Variants in MYO3B observed in about 807,000 individuals in gnomAD.
MYO3B encodes myosin-IIIb.
In MYO3B, 156 loss-of-function variants were observed where a neutral mutation model predicts 174.6. The observed-to-expected ratio is 0.89, with a 90% CI of 0.78 to 1.02. The LOEUF (loss-of-function observed/expected upper bound fraction) is 1.02. MYO3B is among the 50% of genes least tolerant of loss of function. The probability of loss-of-function intolerance (pLI) is 0.00; values close to 1 mark genes in which losing one functional copy is unlikely to be tolerated. For missense variants in MYO3B, 1,632 were observed against 1,639.4 expected, an observed-to-expected ratio of 1.00 and a Z score of 0.08; for synonymous variants, 563 against 569.1, an observed-to-expected ratio of 0.99 and a Z score of 0.15.
At chr2:170,390,806 T>A (rs1211381525) in intron 14 of MYO3B, among the ~76,000 whole-genome samples, 1 of 152,186 alleles carries the variant, frequency 6.6e-6, no homozygotes, top group African/African-American at 2.4e-5. Flanking sequence ...AATACCTTTG[T>A]AAAATGCAAT....
At chr2:170,557,394 C>T (rs1052013374) in intron 32 of MYO3B, among the ~76,000 whole-genome samples, 4 of 152,130 alleles carry the variant, frequency 2.6e-5, no homozygotes, top group African/African-American at 9.7e-5. Flanking sequence ...CCGCCTCTGC[C>T]TCCCAAAGTG....
chr2:170,400,785 G>C (rs2094470704), intron 17 of MYO3B, among the ~76,000 whole-genome samples: 1 of 151,686 alleles, frequency 6.6e-6, no homozygotes. Flanking sequence ...TAAGCTGCAA[G>C]TATTCTGCAG....
intron 28 of MYO3B, among the ~76,000 whole-genome samples, chr2:170,508,931 A>G (rs548651075): frequency 1.3e-5 from 2 of 152,356 alleles, no homozygotes; most frequent in South Asian, 4.1e-4. Context: ...AGCATCCTGC[A>G]CAGTACCTGG....
At chr2:170,496,470 G>A (rs1686858244) in intron 25 of MYO3B, among the ~76,000 whole-genome samples, 1 of 151,834 alleles carries the variant, frequency 6.6e-6, no homozygotes, top group Non-Finnish European at 1.5e-5. Flanking sequence ...TTATTTCAAA[G>A]TTTTCAAGGG....
intron 25 of MYO3B, among the ~76,000 whole-genome samples, chr2:170,494,623 G>A (rs1239890382): frequency 6.6e-6 from 1 of 151,200 alleles, no homozygotes; most frequent in Non-Finnish European, 1.5e-5. Context: ...AGCTACTCAG[G>A]AGGCTGAGGC....
At chr2:170,516,407 C>A (rs1287272061) in intron 29 of MYO3B, among the ~76,000 whole-genome samples, 1 of 151,856 alleles carries the variant, frequency 6.6e-6, no homozygotes, top group East Asian at 1.9e-4. Flanking sequence ...TTTGGGAGGC[C>A]GAGATGGGCA....
intron 28 of MYO3B, among the ~76,000 whole-genome samples, chr2:170,512,851 C>T (rs1001427399): frequency 6.6e-6 from 1 of 152,166 alleles, no homozygotes; most frequent in African/African-American, 2.4e-5. Context: ...CAAATCCTGG[C>T]TCTGCCAGTC....
chr2:170,405,643 G>T lies in MYO3B; in HGVS notation c.2520+10G>T, dbSNP rs1345986156. The T allele has an allele frequency of 1.2e-6, 2 of 1,613,650 alleles. No individual in the cohort carries two copies. The highest frequency in any genetic ancestry group is 2.7e-5 in the African/African-American group (2 of 75,036). On this transcript the variant is annotated intron_variant, in intron 21 of 34. Coordinates refer to ENST00000408978, the MANE Select transcript of MYO3B (RefSeq NM_138995.5). ...GCATTATGCTGGAAAGGTGAGGCCA[G>T]TGTGACAGTTATTAGACCTGAATTT...
chr2:170,269,281 T>A (rs563044109), intron 7 of MYO3B, among the ~76,000 whole-genome samples: 5 of 152,276 alleles, frequency 3.3e-5, no homozygotes, highest in African/African-American at 9.6e-5. Flanking sequence ...ATATTTGGAG[T>A]GAGTGTATTG....
chr2:170,564,968 T>A (rs1378001241), intron 32 of MYO3B, among the ~76,000 whole-genome samples: 1 of 152,148 alleles, frequency 6.6e-6, no homozygotes, highest in African/African-American at 2.4e-5. Flanking sequence ...AAAATTTATA[T>A]TCTCTATTCT....
At chr2:170,513,571 T>G (rs1412947853) in intron 28 of MYO3B, among the ~76,000 whole-genome samples, 2 of 152,256 alleles carry the variant, frequency 1.3e-5, no homozygotes, top group Non-Finnish European at 2.9e-5. Context: ...GCAAAAACCC[T>G]GTTTCCAACT....
chr2:170,631,388 TA>T (rs1321803829), intron 32 of MYO3B, among the ~76,000 whole-genome samples: 1 of 151,494 alleles, frequency 6.6e-6, no homozygotes, highest in Non-Finnish European at 1.5e-5. Context: ...CTCCAAGAAA[TA>T]GGGGACTATG....
chr2:170,615,012 T>G (rs908377066), intron 32 of MYO3B, among the ~76,000 whole-genome samples: 9 of 152,154 alleles, frequency 5.9e-5, no homozygotes, highest in African/African-American at 2.2e-4. Flanking sequence ...TACTTTCTGT[T>G]TCTTACATTA....
At chr2:170,203,498 C>CGG (rs1278855339) in intron 3 of MYO3B, among the ~76,000 whole-genome samples, 5 of 13,452 alleles carry the variant, frequency 3.7e-4, no homozygotes, top group Non-Finnish European at 1.0e-3. Flanking sequence ...AAGGGGGCGG[C>CGG]GGGGGGGGGA....
intron 7 of MYO3B, among the ~76,000 whole-genome samples, chr2:170,258,218 C>T (rs563438965): frequency 2.0e-5 from 3 of 152,176 alleles, no homozygotes; most frequent in African/African-American, 4.8e-5. Context: ...CTAACTTATT[C>T]TATGAAGCCA....
At chr2:170,501,042 A>C (rs899986536) in intron 27 of MYO3B, among the ~76,000 whole-genome samples, 27 of 152,070 alleles carry the variant, frequency 1.8e-4, no homozygotes, top group African/African-American at 4.8e-4. Flanking sequence ...TTTGGACTTC[A>C]TGAGCTCACC....
chr2:170,504,831 G>C lies in MYO3B; in HGVS notation c.3370+2966G>C, dbSNP rs1256173544. 2.6e-5 allele frequency among the ~76,000 whole-genome samples: 4 copies of C among 152,216 alleles called. No individual in the cohort carries two copies. In the East Asian group the frequency reaches 5.8e-4, roughly 22 times the overall value. ...AATTATTGCTCGTTTTTAATTGTGG[G>C]CCCTTCATTCAGATTCCAGGAGCAG... On this transcript the variant is annotated intron_variant, in intron 28 of 34. Coordinates refer to ENST00000408978, the MANE Select transcript of MYO3B (RefSeq NM_138995.5).
chr2:170,294,295 G>T (rs922323139), intron 7 of MYO3B, among the ~76,000 whole-genome samples: 4 of 151,078 alleles, frequency 2.6e-5, no homozygotes, highest in South Asian at 2.1e-4. Flanking sequence ...CCAATTTTTG[G>T]TTTTTCCCCT....
rs369411078 is a variant in MYO3B, at chr2:170,217,438, G to A, written c.603+43G>A. 54 of 1,519,332 alleles carry A rather than the reference G, an allele frequency of 3.6e-5. 1 individual carries two copies. In the Middle Eastern group the frequency reaches 5.1e-4, roughly 14 times the overall value. The allele number at this position is 1,519,332 out of a possible 1,614,324, so 94.1% of individuals were successfully genotyped here. A position where few individuals can be genotyped will look rare whatever the true frequency, so the allele number is the denominator to read the frequency against. On this transcript the variant is annotated intron_variant, in intron 6 of 34. Coordinates refer to ENST00000408978, the MANE Select transcript of MYO3B (RefSeq NM_138995.5). ...AGTTCTTTCTTTGCACTTGTTGAATGCCTTGGTACTATGCCTTTTTATGGG... is the reference window on the plus strand; with the variant it reads ...AGTTCTTTCTTTGCACTTGTTGAATACCTTGGTACTATGCCTTTTTATGGG...
Sources: gnomAD v4.1 joint callset for allele counts (sites outside exome capture counted in the v4.1 genomes callset) on GRCh38, gnomAD v4.1.1 for gene constraint, MANE v1.5 for transcripts, NCBI Gene and HGNC (gene_info 2026-07-23, HGNC 2026-07-21) for gene names.